APTX: variants seen among roughly 807,000 people sequenced by gnomAD.
APTX encodes the protein aprataxin.
In APTX, 33 loss-of-function variants were observed where a neutral mutation model predicts 42.3. The observed-to-expected ratio is 0.78, with a 90% CI of 0.59 to 1.04. The LOEUF is 1.04. Among genes scored for constraint, APTX ranks in the 50% least tolerant of loss-of-function variants. The pLI, the probability that APTX is intolerant of heterozygous loss-of-function variation, is 0.00. For synonymous variants in APTX, 130 were observed against 146.7 expected, an observed-to-expected ratio of 0.89 and a Z score of 0.82; for missense variants, 421 against 415.1, an observed-to-expected ratio of 1.01 and a Z score of -0.12.
intron 1 of APTX, among the ~76,000 whole-genome samples, chr9:33,012,864 C>A (rs74907412): frequency 6.6e-6 from 1 of 152,158 alleles, no homozygotes; most frequent in Admixed American, 6.5e-5. Context: ...ATTCCTACCA[C>A]GTTCTGGAAG....
intron 1 of APTX, among the ~76,000 whole-genome samples, chr9:33,022,936 G>T (rs1838507390): frequency 6.6e-6 from 1 of 152,140 alleles, no homozygotes; most frequent in Admixed American, 6.5e-5. Context: ...TGACCTCCCA[G>T]GTCCATCCTC....
intron 1 of APTX, among the ~76,000 whole-genome samples, chr9:33,000,845 C>CTTTTTTTTTTTTTTT (rs74178838): frequency 1.0e-5 from 1 of 98,804 alleles, no homozygotes; most frequent in Non-Finnish European, 2.0e-5. Context: ...TTTTTTTTTT[C>CTTTTTTTTTTTTTTT]TTTTTTTTTT....
intron 1 of APTX, among the ~76,000 whole-genome samples, chr9:33,023,543 T>C (rs1394837412): frequency 6.6e-6 from 1 of 152,208 alleles, no homozygotes; most frequent in East Asian, 1.9e-4. Context: ...GATTTTTGTA[T>C]TACAAAGCCC....
At chr9:33,021,042 T>A (rs1838334001) in intron 1 of APTX, among the ~76,000 whole-genome samples, 1 of 151,380 alleles carries the variant, frequency 6.6e-6, no homozygotes, top group African/African-American at 2.4e-5. Flanking sequence ...GGCAGGAGAA[T>A]CGCTTGAACC....
chr9:32,997,333 T>A (rs974802535), intron 1 of APTX: 7 of 140,968 alleles, frequency 5.0e-5, no homozygotes, highest in African/African-American at 1.8e-4. Context: ...CAACACCTCA[T>A]CTAAAAAAAA....
intron 1 of APTX, among the ~76,000 whole-genome samples, chr9:33,014,304 C>A (rs746904890): frequency 1.1e-4 from 16 of 152,178 alleles, no homozygotes; most frequent in Non-Finnish European, 1.9e-4. Flanking sequence ...TGTGTATGAA[C>A]AAACACCCCT....
chr9:33,008,402 A>G (rs1837308327), intron 1 of APTX, among the ~76,000 whole-genome samples: 3 of 151,846 alleles, frequency 2.0e-5, no homozygotes, highest in African/African-American at 7.3e-5. Flanking sequence ...ACAATTTCTG[A>G]CTAAGATTTT....
intron 1 of APTX, among the ~76,000 whole-genome samples, chr9:33,013,572 C>T (rs575806632): frequency 6.6e-6 from 1 of 152,094 alleles, no homozygotes; most frequent in Non-Finnish European, 1.5e-5. Flanking sequence ...TTTGGGAGGC[C>T]AAGGCGGGCA....
At chr9:33,005,613 T>A (rs1038465259), upstream of APTX, among the ~76,000 whole-genome samples, 12 of 149,448 alleles carry the variant, frequency 8.0e-5, no homozygotes, top group Admixed American at 6.7e-4. Context: ...ATTTTTTTTT[T>A]AATAGAGACA....
At chr9:32,990,776 A>G (rs1366726623) in intron 1 of APTX, among the ~76,000 whole-genome samples, 3 of 152,208 alleles carry the variant, frequency 2.0e-5, no homozygotes, top group Non-Finnish European at 4.4e-5. Flanking sequence ...CAGAGAACTA[A>G]GGACATAAAA....
chr9:32,990,100 A>C (rs1833214938), intron 1 of APTX: 2 of 625,120 alleles, frequency 3.2e-6, no homozygotes, highest in East Asian at 2.8e-5. Flanking sequence ...AAATGAGATA[A>C]TGTGAGTAAG....
chr9:33,003,080 C>T (rs1261815156), upstream of APTX, among the ~76,000 whole-genome samples: 8 of 152,206 alleles, frequency 5.3e-5, no homozygotes, highest in Admixed American at 1.3e-4. Flanking sequence ...GGTGACCTGA[C>T]CAGTTTTGTT....
Position 32,986,043 on chromosome 9 carries a change from CAAAAAAAAAAACAAAAAAAAA to C in APTX, c.484-34_484-14del. On this transcript the variant is annotated splice_polypyrimidine_tract_variant and intron_variant, in intron 4 of 7. Transcript: ENST00000379817. The stretch of plus-strand genomic sequence containing the variant: ...GGCCCAGGGATTCCTAAAAAAAAAA[CAAAAAAAAAAACAAAAAAAAA>C]AAAAAACAAGCAATGTAAATTACAA... 7 of 985,242 alleles carry C rather than the reference CAAAAAAAAAAACAAAAAAAAA, an allele frequency of 7.1e-6. No individual in the cohort carries two copies. The highest frequency in any genetic ancestry group is 9.9e-6 in the Non-Finnish European group (7 of 709,512). 61.0% of individuals were successfully genotyped at this position (985,242 alleles called of 1,614,324 possible).
At chr9:33,002,410 A>AACC (rs763057057), upstream of APTX, among the ~76,000 whole-genome samples, 5 of 152,168 alleles carry the variant, frequency 3.3e-5, no homozygotes, top group African/African-American at 7.2e-5. Context: ...GTTTACCAAG[A>AACC]ACCACCACCA....
At chr9:32,978,020 T>C (rs1054254801) in intron 6 of APTX, among the ~76,000 whole-genome samples, 10 of 152,178 alleles carry the variant, frequency 6.6e-5, no homozygotes, top group Admixed American at 5.9e-4. Context: ...ACAAAATCCA[T>C]CCTTTTTTGT....
intron 6 of APTX, among the ~76,000 whole-genome samples, chr9:32,975,597 G>T (rs1420765541): frequency 6.6e-6 from 1 of 152,168 alleles, no homozygotes; most frequent in Non-Finnish European, 1.5e-5. Flanking sequence ...TACTTGGGAG[G>T]CTGAGGCAGG....
chr9:33,022,676 A>G (rs1838481219), intron 1 of APTX, among the ~76,000 whole-genome samples: 1 of 152,234 alleles, frequency 6.6e-6, no homozygotes. Flanking sequence ...ATAACAAGGC[A>G]GATTAGTTAT....
chr9:33,020,023 G>A, intron 1 of APTX: 2 of 402,040 alleles, frequency 5.0e-6, no homozygotes. Flanking sequence ...CGGTGGGGGA[G>A]CTCCGCTGGC....
At position 32,985,841 on chromosome 9, in the gene APTX, C is replaced by T. The variant is rs532507532; in HGVS notation, c.543+130G>A. ...CAATGTGAAAAGCCTCTTGTTCTCA[C>T]AGAACAGCCCAATAAAATGAATCTC... is the stretch of plus-strand genomic sequence containing the variant. On this transcript the variant is annotated intron_variant, in intron 5 of 7. Transcript: ENST00000379817. The T allele has an allele frequency of 4.6e-4, 411 of 893,008 alleles. 4 individuals are homozygous for T. The South Asian group carries it at 5.8e-3, about 13-fold the overall frequency. 55.3% of individuals were successfully genotyped at this position (893,008 alleles called of 1,614,324 possible).
Sources: allele counts gnomAD v4.1 joint callset (sites outside exome capture counted in the v4.1 genomes callset), GRCh38; gene constraint gnomAD v4.1.1; transcripts MANE v1.5; gene names NCBI Gene and HGNC (gene_info 2026-07-23, HGNC 2026-07-21).